The following PTPRM variants were observed in gnomAD, a reference collection of about 807,000 sequenced individuals.
PTPRM encodes the protein receptor-type tyrosine-protein phosphatase mu.
In PTPRM, 47 loss-of-function variants were observed where a neutral mutation model predicts 186.7. The observed-to-expected ratio is 0.25, with a 90% confidence interval of 0.20 to 0.32. The LOEUF (loss-of-function observed/expected upper bound fraction) is 0.32. Ranked by LOEUF, PTPRM falls within the 10% of genes least tolerant of loss-of-function variation. PTPRM has a pLI of 1.00. For missense variants in PTPRM, 1,494 were observed against 1,865.0 expected, an observed-to-expected ratio of 0.80 and a Z score of 3.66; for synonymous variants, 668 against 674.9, an observed-to-expected ratio of 0.99 and a Z score of 0.16.
intron 2 of PTPRM, among the ~76,000 whole-genome samples, chr18:7,869,588 C>A (rs2047885343): frequency 6.6e-6 from 1 of 152,134 alleles, no homozygotes; most frequent in Admixed American, 6.5e-5. Context: ...CAGAAATCAC[C>A]CGCCTTCTGT....
At chr18:8,053,341 A>G (rs897135843) in intron 7 of PTPRM, among the ~76,000 whole-genome samples, 1 of 152,128 alleles carries the variant, frequency 6.6e-6, no homozygotes, top group African/African-American at 2.4e-5. Context: ...ATAATCCCCT[A>G]CATTCTTTAA....
intron 7 of PTPRM, among the ~76,000 whole-genome samples, chr18:8,011,389 A>G (rs2084518939): frequency 6.6e-6 from 1 of 152,166 alleles, no homozygotes; most frequent in Admixed American, 6.5e-5. Flanking sequence ...TCTGATGATC[A>G]TTCTTCACAG....
intron 19 of PTPRM, among the ~76,000 whole-genome samples, chr18:8,292,880 A>G (rs1005368116): frequency 6.6e-6 from 1 of 152,234 alleles, no homozygotes; most frequent in Non-Finnish European, 1.5e-5. Context: ...GGCCATGTGT[A>G]TTTAAGTTGA....
At chr18:7,572,240 G>A (rs2036582347) in intron 1 of PTPRM, among the ~76,000 whole-genome samples, 3 of 152,128 alleles carry the variant, frequency 2.0e-5, no homozygotes, top group Admixed American at 2.0e-4. Flanking sequence ...TTGACATGTA[G>A]TGATATATGG....
chr18:8,037,715 C>G (rs2086421990), intron 7 of PTPRM, among the ~76,000 whole-genome samples: 1 of 151,728 alleles, frequency 6.6e-6, no homozygotes, highest in African/African-American at 2.4e-5. Context: ...AGTTAATTTC[C>G]TTAATTCTGG....
chr18:7,759,285 T>C (rs1184928618), intron 1 of PTPRM, among the ~76,000 whole-genome samples: 1 of 152,214 alleles, frequency 6.6e-6, no homozygotes, highest in East Asian at 1.9e-4. Flanking sequence ...ACAATAAGGG[T>C]ATTTAAAGAA....
At chr18:8,252,108 C>T (rs957580234) in intron 17 of PTPRM, among the ~76,000 whole-genome samples, 1 of 152,152 alleles carries the variant, frequency 6.6e-6, no homozygotes, top group Admixed American at 6.5e-5. Flanking sequence ...AAAATAGAGC[C>T]TCTTTAGGCT....
chr18:8,056,661 G>T (rs1462579516), intron 7 of PTPRM, among the ~76,000 whole-genome samples: 2 of 151,330 alleles, frequency 1.3e-5, no homozygotes, highest in Admixed American at 1.3e-4. Flanking sequence ...ATTAGACTTT[G>T]CTTATTTACA....
chr18:8,028,836 G>A (rs952275985), intron 7 of PTPRM, among the ~76,000 whole-genome samples: 1 of 152,190 alleles, frequency 6.6e-6, no homozygotes, highest in Non-Finnish European at 1.5e-5. Flanking sequence ...GATCATGAAT[G>A]TAGTCATGAC....
chr18:8,085,744 T>C lies in PTPRM; in HGVS notation c.1625T>C (p.Leu542Pro). 6.2e-7 allele frequency: 1 copy of C among 1,612,184 alleles called. No homozygotes were observed. Among genetic ancestry groups the C allele is most frequent in the African/African-American group, 1.3e-5 (1 of 74,962 alleles). ...LSNQSGRVSK[L>P]GNETHFLFFG... ...AATCAGAGTGGAAGAGTTTCAAAGCTGGGAAATGAAACCCATTTTCTGTTT... is the reference window on the plus strand; with the variant it reads ...AATCAGAGTGGAAGAGTTTCAAAGCCGGGAAATGAAACCCATTTTCTGTTT... The change falls in exon 10 of 33, where the codon CTG becomes CCG. Residue 542 changes from leucine to proline, a missense_variant. Physicochemically the swap from Leu to Pro is moderately conservative, Grantham distance 98. This residue lies in a region of PTPRM where 1,107 missense variants were observed against 1,350.2 expected (regional missense o/e 0.82). Transcript: ENST00000580170.
intron 2 of PTPRM, among the ~76,000 whole-genome samples, chr18:7,846,145 T>C (rs2046582525): frequency 6.6e-6 from 1 of 152,188 alleles, no homozygotes; most frequent in East Asian, 1.9e-4. Context: ...TTGCTGCAGC[T>C]GGGACCATAA....
chr18:8,182,977 A>T (rs2093597054), intron 14 of PTPRM, among the ~76,000 whole-genome samples: 1 of 152,182 alleles, frequency 6.6e-6, no homozygotes, highest in South Asian at 2.1e-4. Flanking sequence ...TTTTTCGCGC[A>T]GTGTGTCACA....
At chr18:8,119,806 A>T (rs1267075529) in intron 13 of PTPRM, among the ~76,000 whole-genome samples, 1 of 152,150 alleles carries the variant, frequency 6.6e-6, no homozygotes, top group South Asian at 2.1e-4. Flanking sequence ...TAGAAGTCTG[A>T]TCCACAGGGA....
At chr18:7,682,287 G>T (rs960705856) in intron 1 of PTPRM, among the ~76,000 whole-genome samples, 5 of 152,132 alleles carry the variant, frequency 3.3e-5, no homozygotes, top group Admixed American at 6.5e-5. Flanking sequence ...TATTTCAAGG[G>T]AATGTCTAAG....
intron 30 of PTPRM, among the ~76,000 whole-genome samples, chr18:8,384,968 A>G (rs1240007302): frequency 6.6e-6 from 1 of 152,172 alleles, no homozygotes; most frequent in Non-Finnish European, 1.5e-5. Flanking sequence ...TGGGTGAGAG[A>G]GAGTGGGCTC....
Position 8,023,549 on chromosome 18 carries a change from G to A in PTPRM, c.1133-46137G>A, listed in dbSNP as rs1347163095. On this transcript the variant is annotated intron_variant, in intron 7 of 32. Transcript: ENST00000580170. ...TTTATCTCAAGAACTTACTAAACTT[G>A]CTCTTTAAAGTTCATTGCAGCCAAT... 3.9e-5 allele frequency among the ~76,000 whole-genome samples: 6 copies of A among 152,078 alleles called. No homozygotes were observed. In the East Asian group the frequency reaches 1.2e-3, roughly 29 times the overall value.
At position 7,960,468 on chromosome 18, in the gene PTPRM, TATATATATATATAC is replaced by T. The variant is rs1292052648; in HGVS notation, c.1132+5056_1132+5069del. 3.1e-3 allele frequency among the ~76,000 whole-genome samples: 386 copies of T among 123,300 alleles called. 4 individuals are homozygous for T. Among genetic ancestry groups the T allele is most frequent in the African/African-American group, 5.7e-3 (181 of 31,522 alleles). The allele number at this position is 123,300 out of a possible 152,430, so 80.9% of individuals were successfully genotyped here. ...TAGGCAACATATATATATATATATA[TATATATATATATAC>T]ACACACACACACACACACACACACA... On this transcript the variant is annotated intron_variant, in intron 7 of 32. Transcript: ENST00000580170.
intron 1 of PTPRM, among the ~76,000 whole-genome samples, chr18:7,754,014 A>G (rs1181491892): frequency 1.3e-5 from 2 of 152,072 alleles, no homozygotes; most frequent in African/African-American, 2.4e-5. Context: ...AGCCTACCCC[A>G]TACATCTCTA....
intron 23 of PTPRM, among the ~76,000 whole-genome samples, chr18:8,360,142 G>A (rs1472381179): frequency 6.6e-6 from 1 of 152,222 alleles, no homozygotes; most frequent in East Asian, 1.9e-4. Flanking sequence ...GACTAACAAA[G>A]TGGCAAAGAC....
Sources: allele counts gnomAD v4.1 joint callset (sites outside exome capture counted in the v4.1 genomes callset), GRCh38; gene constraint gnomAD v4.1.1; regional missense constraint gnomAD v4.1.1; transcripts MANE v1.5; gene names NCBI Gene and HGNC (gene_info 2026-07-23, HGNC 2026-07-21).